The following ZFYVE28 variants were observed in gnomAD, a reference collection of about 807,000 sequenced individuals.
ZFYVE28 encodes the protein zinc finger FYVE-type containing 28.
In ZFYVE28, 40 loss-of-function variants were observed where a neutral mutation model predicts 82.1. The ratio of observed to expected loss-of-function variants is 0.49; its 90% confidence interval spans 0.38 to 0.63. The LOEUF (loss-of-function observed/expected upper bound fraction) is 0.63. Ranked by LOEUF, ZFYVE28 falls within the 30% of genes least tolerant of loss-of-function variation. ZFYVE28 has a pLI of 0.00. For missense variants in ZFYVE28, 1,321 were observed against 1,242.1 expected, an observed-to-expected ratio of 1.06 and a Z score of -0.96; for synonymous variants, 612 against 546.1, an observed-to-expected ratio of 1.12 and a Z score of -1.68.
At chr4:2,347,628 C>T (rs1037192239) in intron 2 of ZFYVE28, among the ~76,000 whole-genome samples, 1 of 152,054 alleles carries the variant, frequency 6.6e-6, no homozygotes, top group Admixed American at 6.6e-5. Flanking sequence ...CTAGAAAAAT[C>T]CATAAATATT....
chr4:2,358,836 C>G (rs116195809), intron 1 of ZFYVE28, among the ~76,000 whole-genome samples: 3,043 of 152,162 alleles, frequency 0.02, 98 homozygotes, highest in African/African-American at 0.069. Context: ...GGGTCTTGCT[C>G]TATCCCCCAG....
At chr4:2,365,314 A>C (rs1262745484) in intron 1 of ZFYVE28, among the ~76,000 whole-genome samples, 1 of 151,714 alleles carries the variant, frequency 6.6e-6, no homozygotes, top group Non-Finnish European at 1.5e-5. Flanking sequence ...GGCGCCTGTC[A>C]CTCGAGCCTG....
intron 1 of ZFYVE28, among the ~76,000 whole-genome samples, chr4:2,411,317 G>GAA (rs1470956710): frequency 2.0e-5 from 3 of 152,090 alleles, no homozygotes; most frequent in Non-Finnish European, 4.4e-5. Flanking sequence ...CTGTAAGAAG[G>GAA]AAAAAATCAT....
rs1733270067 is a variant in ZFYVE28, at chr4:2,417,871, T to C, written c.39+414A>G. On this transcript the variant is annotated intron_variant, in intron 1 of 12. Coordinates refer to ENST00000290974, the MANE Select transcript of ZFYVE28 (RefSeq NM_020972.3). This position sits in a 1 kb window ranked among gnomAD's most constrained non-coding sequence, Gnocchi z 4.8. ...GGGGCAGGACGGGAATGAGGGGGCATTCCTGGTGCAGGGAGGGGAGACGGA... is the reference window on the plus strand; with the variant it reads ...GGGGCAGGACGGGAATGAGGGGGCACTCCTGGTGCAGGGAGGGGAGACGGA... Among the ~76,000 whole-genome samples the C allele has an allele frequency of 6.6e-6, 1 of 150,748 alleles. No homozygotes were observed. Among genetic ancestry groups the C allele is most frequent in the Non-Finnish European group, 1.5e-5 (1 of 67,642 alleles).
At chr4:2,276,768 C>T (rs1189247619) in intron 8 of ZFYVE28, among the ~76,000 whole-genome samples, 1 of 151,862 alleles carries the variant, frequency 6.6e-6, no homozygotes, top group Non-Finnish European at 1.5e-5. Flanking sequence ...CACGTTCATA[C>T]AGATGGAAGG....
rs1720842218 is a variant in ZFYVE28, at chr4:2,332,336, G to A, written c.701+3369C>T. Among the ~76,000 whole-genome samples the A allele has an allele frequency of 6.6e-6, 1 of 152,112 alleles. No homozygotes were observed. The highest frequency in any genetic ancestry group is 2.1e-4 in the South Asian group (1 of 4,828). On this transcript the variant is annotated intron_variant, in intron 6 of 12. Coordinates refer to ENST00000290974, the MANE Select transcript of ZFYVE28 (RefSeq NM_020972.3). The surrounding 1 kb of genome is among the most constrained non-coding windows in gnomAD (Gnocchi z 4.7). ...TCTGCAGAAGTTCCTGCGGCCCCCT[G>A]GTCCTTGCTCGAGCCCTGGACTTGC...
At position 2,304,280 on chromosome 4, in the gene ZFYVE28, G is replaced by A; in HGVS notation, c.2051+9C>T. The A allele has an allele frequency of 6.4e-7, 1 of 1,557,844 alleles. No homozygotes were observed. Among genetic ancestry groups the A allele is most frequent in the Non-Finnish European group, 8.6e-7 (1 of 1,161,016 alleles). ...ACAAACCCAGTCTCTGGGCCAGACT[G>A]GCTCTTACCTGGAGCCCGACAGGGC... On this transcript the variant is annotated intron_variant, in intron 8 of 12. Transcript: ENST00000290974.
intron 6 of ZFYVE28, chr4:2,330,424 G>C (rs1720485564): frequency 9.5e-7 from 1 of 1,049,784 alleles, no homozygotes; most frequent in South Asian, 3.1e-5. Context: ...GCACGGAAGA[G>C]GGGACATCAT....
chr4:2,308,818 T>C (rs1717091484), intron 7 of ZFYVE28, among the ~76,000 whole-genome samples: 1 of 152,192 alleles, frequency 6.6e-6, no homozygotes, highest in African/African-American at 2.4e-5. Context: ...TGATTGAGAC[T>C]GCATTGAACT....
chr4:2,372,039 G>T lies in ZFYVE28; in HGVS notation c.40-17966C>A. Among the ~76,000 whole-genome samples, 1 of 152,138 alleles carries T rather than the reference G, an allele frequency of 6.6e-6. No individual in the cohort carries two copies. The highest frequency in any genetic ancestry group is 1.9e-4 in the East Asian group (1 of 5,184). ...CTGGCAGGGGTGCAAGGCCATGCAC[G>T]AGCCTCAGGTCAGCCCAGTGGAAGC... On this transcript the variant is annotated intron_variant, in intron 1 of 12. Coordinates refer to ENST00000290974, the MANE Select transcript of ZFYVE28 (RefSeq NM_020972.3). This position sits in a 1 kb window ranked among gnomAD's most constrained non-coding sequence, Gnocchi z 5.2.
intron 8 of ZFYVE28, among the ~76,000 whole-genome samples, chr4:2,289,084 A>T (rs1713199951): frequency 6.6e-6 from 1 of 152,254 alleles, no homozygotes; most frequent in African/African-American, 2.4e-5. Flanking sequence ...AGAGTTCGAG[A>T]CCAGCCTGGC....
chr4:2,273,333 G>A, intron 9 of ZFYVE28, 44 bp from the exon 10 acceptor site: 1 of 1,561,532 alleles, frequency 6.4e-7, no homozygotes, highest in South Asian at 1.1e-5. Context: ...AGGACGGATG[G>A]AAGGAACTGC....
intron 8 of ZFYVE28, among the ~76,000 whole-genome samples, chr4:2,303,025 G>A (rs563374345): frequency 1.3e-5 from 2 of 152,346 alleles, no homozygotes; most frequent in Admixed American, 1.3e-4. Context: ...TGTGTTAACA[G>A]GAAATGTCCA....
At position 2,304,294 on chromosome 4, in the gene ZFYVE28, G is replaced by C. The variant is rs1194852007; in HGVS notation, c.2046C>G (p.Gly682=). Residue 682 remains glycine (G), a synonymous_variant, in exon 8 of 13, where the codon GGC becomes GGG. Transcript: ENST00000290974. ...SAHEAPQALS[G]SSSSTAGSCS... ...TGGGCCAGACTGGCTCTTACCTGGA[G>C]CCCGACAGGGCCTGAGGCGCCTCGT... 1 of 1,570,536 alleles carries C rather than the reference G, an allele frequency of 6.4e-7. No individual in the cohort carries two copies. Among genetic ancestry groups the C allele is most frequent in the Non-Finnish European group, 8.6e-7 (1 of 1,165,828 alleles).
chr4:2,351,713 G>A (rs989722877), intron 2 of ZFYVE28, among the ~76,000 whole-genome samples: 1 of 152,126 alleles, frequency 6.6e-6, no homozygotes, highest in African/African-American at 2.4e-5. Flanking sequence ...GACCCCACAG[G>A]GTGAGGGCTC....
At chr4:2,382,517 G>A (rs540605176) in intron 1 of ZFYVE28, among the ~76,000 whole-genome samples, 9 of 152,278 alleles carry the variant, frequency 5.9e-5, no homozygotes, top group African/African-American at 1.7e-4. Flanking sequence ...TGACTGTCCC[G>A]CTGGATTTCG....
chr4:2,361,680 C>T (rs1279444126), intron 1 of ZFYVE28, among the ~76,000 whole-genome samples: 2 of 152,160 alleles, frequency 1.3e-5, no homozygotes, highest in African/African-American at 4.8e-5. Flanking sequence ...TGGCCAAGAC[C>T]ACATCGCTGG....
At chr4:2,375,202 C>A (rs1727992398) in intron 1 of ZFYVE28, among the ~76,000 whole-genome samples, 8 of 152,210 alleles carry the variant, frequency 5.3e-5, no homozygotes, top group Admixed American at 5.2e-4. Flanking sequence ...AAGCTTTTCC[C>A]CGCAGCCTCG....
intron 1 of ZFYVE28, among the ~76,000 whole-genome samples, chr4:2,403,727 C>A (rs3128767): frequency 0.85 from 129,126 of 152,038 alleles, 54,983 homozygotes; most frequent in Admixed American, 0.9. Flanking sequence ...CACTTTGGGA[C>A]GCCAAGGCAG....
Sources: allele counts gnomAD v4.1 joint callset (sites outside exome capture counted in the v4.1 genomes callset), GRCh38; gene constraint gnomAD v4.1.1; non-coding constraint Gnocchi (gnomAD v3.1); transcripts MANE v1.5; gene names NCBI Gene and HGNC (gene_info 2026-07-23, HGNC 2026-07-21).